GALNT18: variants seen among roughly 807,000 people sequenced by gnomAD.
GALNT18 encodes the protein GalNAc-transferase 18.
GALNT18 carries 44 observed loss-of-function variants against 69.5 expected under a neutral mutation model. The observed-to-expected ratio is 0.63, with a 90% CI of 0.50 to 0.81. The LOEUF (loss-of-function observed/expected upper bound fraction) is 0.81. Among genes scored for constraint, GALNT18 ranks in the 40% least tolerant of loss-of-function variants. GALNT18 has a pLI of 0.00. For synonymous variants in GALNT18, 364 were observed against 318.2 expected (o/e 1.14, Z -1.53); for missense variants, 715 against 810.0 (o/e 0.88, Z 1.42).
At chr11:11,575,855 T>C (rs1301252879) in intron 1 of GALNT18, among the ~76,000 whole-genome samples, 1 of 152,214 alleles carries the variant, frequency 6.6e-6, no homozygotes, top group Non-Finnish European at 1.5e-5. Flanking sequence ...AAACAAATTA[T>C]CATCATGGCC....
intron 1 of GALNT18, among the ~76,000 whole-genome samples, chr11:11,503,792 T>C (rs1857018566): frequency 6.6e-6 from 1 of 152,178 alleles, no homozygotes; most frequent in Non-Finnish European, 1.5e-5. Context: ...TAAATGTACA[T>C]ACAGAAAAGT....
intron 2 of GALNT18, among the ~76,000 whole-genome samples, chr11:11,434,258 T>C (rs776395446): frequency 1.3e-5 from 2 of 152,082 alleles, no homozygotes; most frequent in Non-Finnish European, 2.9e-5. Context: ...AAAGAAGGAG[T>C]TGACCCTTTT....
chr11:11,389,492 C>A lies in GALNT18; in HGVS notation c.596-10228G>T, dbSNP rs1854130444. Among the ~76,000 whole-genome samples, 1 of 152,170 alleles carries A rather than the reference C, an allele frequency of 6.6e-6. No individual in the cohort carries two copies. The highest frequency in any genetic ancestry group is 2.4e-5 in the African/African-American group (1 of 41,428). Reference sequence around the variant, plus strand: ...TGTAAAGTAAAGGTGGGGCAATGGACCAAACACTGTGAAATTACTTACAGA... The same window carrying A: ...TGTAAAGTAAAGGTGGGGCAATGGAACAAACACTGTGAAATTACTTACAGA... On this transcript the variant is annotated intron_variant, in intron 3 of 10. Coordinates refer to ENST00000227756, the MANE Select transcript of GALNT18 (RefSeq NM_198516.3). This position sits in a 1 kb window ranked among gnomAD's most constrained non-coding sequence, Gnocchi z 4.3.
rs1304976425 is a variant in GALNT18, at chr11:11,404,701, C to G, written c.596-25437G>C. 6.6e-6 allele frequency among the ~76,000 whole-genome samples: 1 copy of G among 152,182 alleles called. No individual in the cohort carries two copies. Among genetic ancestry groups the G allele is most frequent in the Non-Finnish European group, 1.5e-5 (1 of 68,044 alleles). ...CTCTCTGTCTCAACTCTCATTTCAACCTAACTCTGACTTCATCTCAACCTT... is the reference window on the plus strand; with the variant it reads ...CTCTCTGTCTCAACTCTCATTTCAAGCTAACTCTGACTTCATCTCAACCTT... On this transcript the variant is annotated intron_variant, in intron 3 of 10. Coordinates refer to ENST00000227756, the MANE Select transcript of GALNT18 (RefSeq NM_198516.3). This position sits in a 1 kb window ranked among gnomAD's most constrained non-coding sequence, Gnocchi z 4.5.
rs1319230534 is a variant in GALNT18, at chr11:11,382,617, G to GA, written c.596-3354dup. The stretch of plus-strand genomic sequence containing the variant: ...TTTGCCTTCTTGCTAAGGCTGCCAG[G>GA]AAGCTCAAAGACAAATATAATGACT... On this transcript the variant is annotated intron_variant, in intron 3 of 10. Coordinates refer to ENST00000227756, the MANE Select transcript of GALNT18 (RefSeq NM_198516.3). This position sits in a 1 kb window ranked among gnomAD's most constrained non-coding sequence, Gnocchi z 4.3. Among the ~76,000 whole-genome samples, 2 of 152,250 alleles carry GA rather than the reference G, an allele frequency of 1.3e-5. No individual in the cohort carries two copies. The highest frequency in any genetic ancestry group is 3.9e-4 in the East Asian group (2 of 5,180).
rs557255706 is a variant in GALNT18, at chr11:11,439,167, G to A, written c.429-6380C>T. On this transcript the variant is annotated intron_variant, in intron 2 of 10. Transcript: ENST00000227756. This position sits in a 1 kb window ranked among gnomAD's most constrained non-coding sequence, Gnocchi z 4.4. ...ATCCTAAGAAGATGATAAGTGAGGCGCAGGGGAGCAGAAATGATGAATAGG... is the reference window on the plus strand; with the variant it reads ...ATCCTAAGAAGATGATAAGTGAGGCACAGGGGAGCAGAAATGATGAATAGG... 5.8e-4 allele frequency among the ~76,000 whole-genome samples: 89 copies of A among 152,306 alleles called. No individual in the cohort carries two copies. Among genetic ancestry groups the A allele is most frequent in the Non-Finnish European group, 7.1e-4 (48 of 68,018 alleles).
At chr11:11,406,281 G>T (rs1234535516) in intron 3 of GALNT18, among the ~76,000 whole-genome samples, 1 of 152,174 alleles carries the variant, frequency 6.6e-6, no homozygotes, top group African/African-American at 2.4e-5. Flanking sequence ...TAGGTAGGAG[G>T]ATAATCATCA....
rs767881900 is a variant in GALNT18 at position 11,542,700 on chromosome 11, G to A, written c.235+78659C>T. 6.6e-6 allele frequency among the ~76,000 whole-genome samples: 1 copy of A among 152,182 alleles called. No individual in the cohort carries two copies. Among genetic ancestry groups the A allele is most frequent in the African/African-American group, 2.4e-5 (1 of 41,430 alleles). ...TGTGTAATCTTGGTCACCTCTCTGC[G>A]TGTATCACATTTGTGTAAAGCAAAT... On this transcript the variant is annotated intron_variant, in intron 1 of 10. Transcript: ENST00000227756. The surrounding 1 kb of genome is among the most constrained non-coding windows in gnomAD (Gnocchi z 4.3).
chr11:11,576,708 C>T (rs375578752), intron 1 of GALNT18, among the ~76,000 whole-genome samples: 5 of 149,618 alleles, frequency 3.3e-5, no homozygotes, highest in African/African-American at 5.1e-5. Context: ...TTCCCTTAGC[C>T]GGGTTAGTGC....
chr11:11,520,957 G>A (rs182315570), intron 1 of GALNT18, among the ~76,000 whole-genome samples: 3 of 152,216 alleles, frequency 2.0e-5, no homozygotes, highest in Non-Finnish European at 4.4e-5. Context: ...TCCACCGTAG[G>A]GAGCCTTAGA....
chr11:11,442,501 TAG>T (rs1855551948), intron 2 of GALNT18, among the ~76,000 whole-genome samples: 1 of 152,192 alleles, frequency 6.6e-6, no homozygotes, highest in Admixed American at 6.5e-5. Flanking sequence ...GATGTCTCTC[TAG>T]AGTCTGGACT....
At chr11:11,498,025 A>AAACTT (rs200766987) in intron 1 of GALNT18, among the ~76,000 whole-genome samples, 2,010 of 152,272 alleles carry the variant, frequency 0.013, 42 homozygotes, top group African/African-American at 0.045. Flanking sequence ...AAAATGAACT[A>AAACTT]AAAAACTGGA....
chr11:11,295,715 C>CT (rs1287847895), intron 9 of GALNT18, among the ~76,000 whole-genome samples: 1 of 152,002 alleles, frequency 6.6e-6, no homozygotes, highest in African/African-American at 2.4e-5. Context: ...TCTGTGGTCA[C>CT]TTTACAAGTT....
Position 11,500,038 on chromosome 11 carries a change from G to A in GALNT18, c.236-51102C>T, listed in dbSNP as rs896877820. Among the ~76,000 whole-genome samples the A allele has an allele frequency of 6.6e-6, 1 of 152,190 alleles. No individual in the cohort carries two copies. Among genetic ancestry groups the A allele is most frequent in the African/African-American group, 2.4e-5 (1 of 41,454 alleles). ...CACAGAGAAAGAAAAAAGATCAAGAGAAAGGGAGCAAAATCAAAAAGAGAG... is the reference window on the plus strand; with the variant it reads ...CACAGAGAAAGAAAAAAGATCAAGAAAAAGGGAGCAAAATCAAAAAGAGAG... On this transcript the variant is annotated intron_variant, in intron 1 of 10. Coordinates refer to ENST00000227756, the MANE Select transcript of GALNT18 (RefSeq NM_198516.3). The surrounding 1 kb of genome is among the most constrained non-coding windows in gnomAD (Gnocchi z 5.0).
At chr11:11,508,953 C>T (rs974446408) in intron 1 of GALNT18, among the ~76,000 whole-genome samples, 3 of 152,132 alleles carry the variant, frequency 2.0e-5, no homozygotes, top group African/African-American at 7.2e-5. Context: ...AAGAACTACC[C>T]GATACAACCC....
rs987582892 is a variant in GALNT18 at position 11,468,004 on chromosome 11, T to C, written c.236-19068A>G. 3.3e-5 allele frequency among the ~76,000 whole-genome samples: 5 copies of C among 152,254 alleles called. No individual in the cohort carries two copies. In the East Asian group the frequency reaches 9.7e-4, roughly 29 times the overall value. On this transcript the variant is annotated intron_variant, in intron 1 of 10. Transcript: ENST00000227756. ...TAATTACTAAGAAGTCTTAAGAAATTAGCCCCTCCCTAATCAGCAGAACTT... is the reference window on the plus strand; with the variant it reads ...TAATTACTAAGAAGTCTTAAGAAATCAGCCCCTCCCTAATCAGCAGAACTT...
chr11:11,408,114 C>G (rs1208788586), intron 3 of GALNT18, among the ~76,000 whole-genome samples: 2 of 152,120 alleles, frequency 1.3e-5, no homozygotes, highest in African/African-American at 4.8e-5. Flanking sequence ...GCCTATAATC[C>G]AAGCACTTTG....
Position 11,332,264 on chromosome 11 carries a change from G to A in GALNT18, c.1416+430C>T, listed in dbSNP as rs1260612515. ...TAAATTCAAGATGGCTCTGTCTCTA[G>A]AACTCTTCTCAGGGAGGCTCTGCAT... is the stretch of plus-strand genomic sequence containing the variant. On this transcript the variant is annotated intron_variant, in intron 8 of 10. Coordinates refer to ENST00000227756, the MANE Select transcript of GALNT18 (RefSeq NM_198516.3). The surrounding 1 kb of genome is among the most constrained non-coding windows in gnomAD (Gnocchi z 4.3). 1.3e-5 allele frequency among the ~76,000 whole-genome samples: 2 copies of A among 152,150 alleles called. No homozygotes were observed. Among genetic ancestry groups the A allele is most frequent in the African/African-American group, 4.8e-5 (2 of 41,428 alleles).
chr11:11,527,538 C>T (rs1349772696), intron 1 of GALNT18, among the ~76,000 whole-genome samples: 1 of 152,184 alleles, frequency 6.6e-6, no homozygotes, highest in Non-Finnish European at 1.5e-5. Context: ...AGTGTCTCTG[C>T]CACCAAGGTT....
Sources: gnomAD v4.1 joint callset for allele counts (sites outside exome capture counted in the v4.1 genomes callset) on GRCh38, gnomAD v4.1.1 for gene constraint, Gnocchi (gnomAD v3.1) non-coding constraint, MANE v1.5 for transcripts, NCBI Gene and HGNC (gene_info 2026-07-23, HGNC 2026-07-21) for gene names.